Variants in PCDH20 observed in about 807,000 individuals in gnomAD.
PCDH20 encodes the protein protocadherin-20.
A neutral mutation model predicts 39.7 loss-of-function variants in PCDH20; 18 were observed. The observed-to-expected ratio is 0.45, with a 90% CI of 0.31 to 0.67. The LOEUF is 0.67. Among genes scored for constraint, PCDH20 ranks in the 30% least tolerant of loss-of-function variants. PCDH20 has a pLI of 0.05. For synonymous variants in PCDH20, 495 were observed against 455.4 expected (o/e 1.09, Z -1.11); for missense variants, 1,161 against 1,167.4 (o/e 0.99, Z 0.08).
exon 2 of PCDH20, chr13:61,413,296 C>T (rs776527838): frequency 1.2e-6 from 2 of 1,614,014 alleles, no homozygotes; most frequent in African/African-American, 1.3e-5. Flanking sequence ...GTAGGGGGTG[C>T]GCTCCCCATT....
chr13:61,412,115 T>C (rs201960619), exon 2 of PCDH20: 1 of 1,614,134 alleles, frequency 6.2e-7, no homozygotes, highest in East Asian at 2.2e-5. Flanking sequence ...TCTGTTACAC[T>C]AATTACTCCA....
chr13:61,413,981 G>A lies in PCDH20; in HGVS notation c.133-15C>T, dbSNP rs560956698. On this transcript the variant is annotated splice_polypyrimidine_tract_variant and intron_variant, in intron 1 of 1. Transcript: ENST00000409204. ...AGAAACAGATGCTGGAGTTGGGGGAGGGAAGAAAGCTCATTACACACACGG... is the reference window on the plus strand; with the variant it reads ...AGAAACAGATGCTGGAGTTGGGGGAAGGAAGAAAGCTCATTACACACACGG... 6 of 1,590,756 alleles carry A rather than the reference G, an allele frequency of 3.8e-6. No homozygotes were observed. Among genetic ancestry groups the A allele is most frequent in the Middle Eastern group, 1.7e-4 (1 of 5,996 alleles).
exon 1 of PCDH20, chr13:61,415,512 A>C: frequency 5.3e-6 from 1 of 190,040 alleles, no homozygotes. Flanking sequence ...GAGAGGGAGA[A>C]TTAAAATAAA....
chr13:61,415,416 G>C (rs1168122113), exon 1 of PCDH20: 2 of 361,844 alleles, frequency 5.5e-6, no homozygotes, highest in African/African-American at 4.2e-5. Flanking sequence ...CGAAGAGGCA[G>C]CTCGGGGTTG....
exon 1 of PCDH20, chr13:61,415,039 G>A: frequency 1.3e-6 from 2 of 1,501,504 alleles, no homozygotes; most frequent in Non-Finnish European, 9.0e-7. Context: ...GCAGGTTCCT[G>A]TAGCTGGTGC....
At chr13:61,410,219 T>G (rs1878218473) in exon 2 of PCDH20, 1 of 152,184 alleles carries the variant, frequency 6.6e-6, no homozygotes, top group East Asian at 1.9e-4. Context: ...ACAGTATAAC[T>G]TTCATATAAA....
exon 2 of PCDH20, chr13:61,412,204 T>G: frequency 1.5e-5 from 25 of 1,614,200 alleles, no homozygotes; most frequent in Non-Finnish European, 2.1e-5. Context: ...GTTGTCATTT[T>G]TATCCAACAC....
In PCDH20 at chr13:61,415,312, G is replaced by T; in HGVS notation, c.-154C>A. 1 of 885,504 alleles carries T rather than the reference G, an allele frequency of 1.1e-6. No individual in the cohort carries two copies. The highest frequency in any genetic ancestry group is 1.5e-6 in the Non-Finnish European group (1 of 656,472). The allele number at this position is 885,504 out of a possible 1,614,324, so 54.9% of individuals were successfully genotyped here. A position where few individuals can be genotyped will look rare whatever the true frequency, so the allele number is the denominator to read the frequency against. On this transcript the variant is annotated 5_prime_UTR_variant, in exon 1 of 2. It introduces an in-frame stop codon into an upstream open reading frame of the 5' UTR. Transcript: ENST00000409204. ...CAAAGAGTGGCAGAAAGGCAAGAGGGCAGAAGGGCACATTCATGGTTTCCT... is the reference window on the plus strand; with the variant it reads ...CAAAGAGTGGCAGAAAGGCAAGAGGTCAGAAGGGCACATTCATGGTTTCCT...
intron 1 of PCDH20, among the ~76,000 whole-genome samples, chr13:61,414,727 C>T (rs1871498642): frequency 1.3e-5 from 2 of 152,120 alleles, no homozygotes; most frequent in South Asian, 2.1e-4. Flanking sequence ...CATAGCCAGA[C>T]GCCAGCAGCA....
At chr13:61,414,330 C>A (rs1034892568) in intron 1 of PCDH20, among the ~76,000 whole-genome samples, 1 of 151,970 alleles carries the variant, frequency 6.6e-6, no homozygotes, top group Admixed American at 6.6e-5. Context: ...ACACGGAAAC[C>A]CAGGGTAGGT....
chr13:61,413,175 A>G, exon 2 of PCDH20: 2 of 1,614,108 alleles, frequency 1.2e-6, no homozygotes, highest in Non-Finnish European at 1.7e-6. Context: ...CACTGATGCC[A>G]ATGGTGAGAG....
rs770628823 is a variant in PCDH20 at position 61,412,506 on chromosome 13, A to G, written c.1593T>C (p.Asn531=). The G allele has an allele frequency of 1.2e-5, 20 of 1,614,046 alleles. 1 individual carries two copies. The South Asian group carries it at 2.1e-4, about 17-fold the overall frequency. Residue 531 remains asparagine, a synonymous_variant, in exon 2 of 2, where the codon AAT becomes AAC. Coordinates refer to ENST00000409204, the Ensembl canonical transcript of PCDH20. ...TTAAGGGTTGAAGGAAAATTGGAGC[A>G]TTATCATTGTCATCTAAAAGTTGCA...
exon 2 of PCDH20, chr13:61,410,066 A>T (rs1878214262): frequency 6.6e-6 from 1 of 152,138 alleles, no homozygotes; most frequent in Admixed American, 6.5e-5. Context: ...AGCTTTCTTC[A>T]TTGCAAGAGA....
chr13:61,411,465 A>G (rs773091859), exon 2 of PCDH20: 6 of 1,614,078 alleles, frequency 3.7e-6, no homozygotes, highest in East Asian at 2.2e-5. Context: ...CTACCTTCCT[A>G]TGAGTCGGTT....
intron 1 of PCDH20, among the ~76,000 whole-genome samples, chr13:61,414,334 G>A (rs372716068): frequency 6.6e-6 from 1 of 152,066 alleles, no homozygotes; most frequent in African/African-American, 2.4e-5. Context: ...GGAAACCCAG[G>A]GTAGGTGATG....
chr13:61,409,872 A>G (rs1451644021), exon 2 of PCDH20: 1 of 152,110 alleles, frequency 6.6e-6, no homozygotes, highest in African/African-American at 2.4e-5. Flanking sequence ...GAAAATATAT[A>G]CCTTTAATTT....
chr13:61,413,873 G>C, exon 2 of PCDH20: 1 of 1,613,702 alleles, frequency 6.2e-7, no homozygotes, highest in Non-Finnish European at 8.5e-7. Flanking sequence ...CCCGCGGGTA[G>C]TCCCTCGTTT....
exon 2 of PCDH20, chr13:61,412,428 C>G (rs1473964528): frequency 1.9e-6 from 3 of 1,614,142 alleles, no homozygotes; most frequent in Non-Finnish European, 2.5e-6. Flanking sequence ...CTGTAGCATA[C>G]AGCTTAGTCA....
At chr13:61,411,304 A>G in exon 2 of PCDH20, 1 of 1,613,974 alleles carries the variant, frequency 6.2e-7, no homozygotes, top group Non-Finnish European at 8.5e-7. Flanking sequence ...TTTTCCTTTC[A>G]GTGGAATCTG....
Sources: allele counts gnomAD v4.1 joint callset (sites outside exome capture counted in the v4.1 genomes callset), GRCh38; gene constraint gnomAD v4.1.1; transcripts MANE v1.5; gene names NCBI Gene and HGNC (gene_info 2026-07-23, HGNC 2026-07-21).